The following LPA variants were observed in gnomAD, a reference collection of about 807,000 sequenced individuals.
The protein encoded by LPA is lipoprotein(a).
Under a neutral mutation model 197.9 loss-of-function variants are expected in LPA, and 199 were observed. The observed-to-expected ratio is 1.01, with a 90% CI of 0.90 to 1.13. The LOEUF is 1.13. Ranked by LOEUF, LPA falls within the 50% of genes most tolerant of loss-of-function variation. The pLI is 0.00. For synonymous variants in LPA, 715 were observed against 639.5 expected (o/e 1.12, Z -1.78); for missense variants, 1,853 against 1,785.8 (o/e 1.04, Z -0.68).
intron 2 of LPA, among the ~76,000 whole-genome samples, chr6:160,647,803 A>G (rs562979091): frequency 3.9e-5 from 6 of 152,242 alleles, no homozygotes; most frequent in Non-Finnish European, 7.3e-5. Context: ...GTAAAGTTAA[A>G]TATATTGGTA....
intron 20 of LPA, among the ~76,000 whole-genome samples, chr6:160,598,923 G>A (rs990362958): frequency 2.0e-5 from 3 of 152,170 alleles, no homozygotes; most frequent in Non-Finnish European, 4.4e-5. Context: ...ACCCTCAGCC[G>A]ATGTTGTAGA....
chr6:160,605,324 A>G (rs531120510), intron 17 of LPA, 119 bp from the exon 18 acceptor site: 115 of 1,193,284 alleles, frequency 9.6e-5, no homozygotes, highest in Non-Finnish European at 1.4e-4. Context: ...GGAGAATATG[A>G]CAAGTAACAT....
chr6:160,650,623 G>T lies in LPA; in HGVS notation c.50-126C>A, dbSNP rs985884816. On this transcript the variant is annotated intron_variant, in intron 1 of 38. Coordinates refer to ENST00000316300, the MANE Select transcript of LPA (RefSeq NM_005577.4). ...GACCATTCTCTTCTCTTGATTAGCA[G>T]GCAGACAGACGTGCAAAAAACCAAA... 17 of 893,332 alleles carry T rather than the reference G, an allele frequency of 1.9e-5. 1 individual carries two copies. The Middle Eastern group carries it at 7.2e-4, about 38-fold the overall frequency. 55.3% of individuals were successfully genotyped at this position (893,332 alleles called of 1,614,324 possible).
intron 16 of LPA, 31 bp downstream of exon 16, chr6:160,611,531 T>C (rs745864841): frequency 1.3e-5 from 21 of 1,607,160 alleles, no homozygotes; most frequent in Non-Finnish European, 1.8e-5. Flanking sequence ...GTTGGCCCTT[T>C]ATTCTCTTAT....
chr6:160,586,930 C>T lies in LPA; in HGVS notation c.3948-300G>A, dbSNP rs114210880. On this transcript the variant is annotated intron_variant, in intron 24 of 38. Transcript: ENST00000316300. ...CCCTCCTTCTACCTTCTGCCAAATA[C>T]ATTCCTTTGGATTAACCGAGAGGGA... Among the ~76,000 whole-genome samples, 346 of 152,296 alleles carry T rather than the reference C, an allele frequency of 2.3e-3. 2 individuals are homozygous for T. The highest frequency in any genetic ancestry group is 8.1e-3 in the African/African-American group (336 of 41,572).
intron 1 of LPA, among the ~76,000 whole-genome samples, chr6:160,663,802 C>T (rs899543536): frequency 6.6e-6 from 1 of 152,142 alleles, no homozygotes; most frequent in African/African-American, 2.4e-5. Flanking sequence ...GAGCATGGCA[C>T]CTGAACAGAG....
intron 1 of LPA, among the ~76,000 whole-genome samples, chr6:160,663,352 G>C (rs1263368311): frequency 1.3e-5 from 2 of 152,186 alleles, no homozygotes; most frequent in Non-Finnish European, 2.9e-5. Context: ...TTAAATCCAG[G>C]TTTCTTTATT....
intron 28 of LPA, among the ~76,000 whole-genome samples, chr6:160,571,191 T>G (rs1278116382): frequency 1.3e-5 from 2 of 152,202 alleles, no homozygotes; most frequent in African/African-American, 4.8e-5. Context: ...GTCATGAAGT[T>G]CTCGTGCTGT....
rs1778676097 is a variant in LPA at position 160,576,398 on chromosome 6, A to ATATACATATATATATATATATGTG, written c.4631+737_4631+738insCACATATATATATATATATGTATA. Among the ~76,000 whole-genome samples the ATATACATATATATATATATATGTG allele has an allele frequency of 9.1e-5, 5 of 54,988 alleles. No homozygotes were observed. The South Asian group carries it at 2.1e-3, about 23-fold the overall frequency. The allele number at this position is 54,988 out of a possible 152,430, so 36.1% of individuals were successfully genotyped here. A position where few individuals can be genotyped will look rare whatever the true frequency, so the allele number is the denominator to read the frequency against. ...TATATATATATATATATGTATATATATATATATATATATATATGGGTATAT... is the reference window on the plus strand; with the variant it reads ...TATATATATATATATATGTATATATATATACATATATATATATATATGTGTATATATATATATATATGGGTATAT... On this transcript the variant is annotated intron_variant, in intron 28 of 38. Coordinates refer to ENST00000316300, the MANE Select transcript of LPA (RefSeq NM_005577.4).
At chr6:160,573,853 G>T (rs975964527) in intron 28 of LPA, among the ~76,000 whole-genome samples, 1 of 152,126 alleles carries the variant, frequency 6.6e-6, no homozygotes, top group African/African-American at 2.4e-5. Context: ...ACTCCATAGG[G>T]GTTCCTAGCT....
At chr6:160,605,403 A>G (rs1277763635) in intron 17 of LPA, among the ~76,000 whole-genome samples, 198 bp from the exon 18 acceptor site, 3 of 152,218 alleles carry the variant, frequency 2.0e-5, no homozygotes, top group Admixed American at 6.5e-5. Flanking sequence ...CAAAAACACC[A>G]AAGAAACAAA....
In LPA at chr6:160,589,547, A is replaced by T; in HGVS notation, c.3947+6T>A. The stretch of plus-strand genomic sequence containing the variant: ...GTTTCTCTTGGGAGAAAACTCAAAG[A>T]CATACCCATTTGGGTAGTATTCTGT... On this transcript the variant is annotated splice_donor_region_variant and intron_variant, in intron 24 of 38. Coordinates refer to ENST00000316300, the MANE Select transcript of LPA (RefSeq NM_005577.4). 1 of 1,613,298 alleles carries T rather than the reference A, an allele frequency of 6.2e-7. No homozygotes were observed. Among genetic ancestry groups the T allele is most frequent in the Non-Finnish European group, 8.5e-7 (1 of 1,179,714 alleles).
chr6:160,659,767 C>G (rs1372287502), intron 1 of LPA, among the ~76,000 whole-genome samples: 1 of 152,152 alleles, frequency 6.6e-6, no homozygotes, highest in Non-Finnish European at 1.5e-5. Flanking sequence ...GGGGCAGGGA[C>G]CAGTGCAGAA....
intron 37 of LPA, among the ~76,000 whole-genome samples, chr6:160,534,295 C>G (rs546533348): frequency 7.3e-4 from 111 of 152,334 alleles, no homozygotes; most frequent in African/African-American, 2.5e-3. Context: ...GATTTGCTCT[C>G]TGAGCAAGGC....
At position 160,597,766 on chromosome 6, in the gene LPA, A is replaced by C. The variant is rs1223312567; in HGVS notation, c.3287+1734T>G. On this transcript the variant is annotated intron_variant, in intron 20 of 38. Transcript: ENST00000316300. The stretch of plus-strand genomic sequence containing the variant: ...TCATGCCATTTAAATCATTTCTATC[A>C]TTCCTGGTTCTATTTTTATTGACTG... Among the ~76,000 whole-genome samples, 3 of 152,286 alleles carry C rather than the reference A, an allele frequency of 2.0e-5. No homozygotes were observed. The East Asian group carries it at 5.8e-4, about 29-fold the overall frequency.
chr6:160,583,778 T>C (rs1157607155), intron 26 of LPA, among the ~76,000 whole-genome samples: 1 of 152,152 alleles, frequency 6.6e-6, no homozygotes, highest in African/African-American at 2.4e-5. Flanking sequence ...AAAACTCCAG[T>C]CTCTCTCCCC....
chr6:160,589,623 T>G lies in LPA; in HGVS notation c.3877A>C (p.Arg1293=), dbSNP rs1415961632. The G allele has an allele frequency of 6.2e-7, 1 of 1,613,874 alleles. No homozygotes were observed. Among genetic ancestry groups the G allele is most frequent in the Non-Finnish European group, 8.5e-7 (1 of 1,179,892 alleles). Residue 1293 remains arginine, a synonymous_variant, in exon 24 of 39, where the codon AGG becomes CGG. Transcript: ENST00000316300. ...ATAGAGGACCAAGACTGACATGTCC[T>G]TCCTGTAACAGTGGTGGAGAATGAG... ...RGSFSTTVTG[R]TCQSWSSMTP...
At chr6:160,608,724 T>G (rs1446860593) in intron 16 of LPA, among the ~76,000 whole-genome samples, 1 of 152,136 alleles carries the variant, frequency 6.6e-6, no homozygotes, top group Non-Finnish European at 1.5e-5. Context: ...CGTTCTCTTT[T>G]CTGTGACTTG....
At chr6:160,589,447 G>A in intron 24 of LPA, 106 bp downstream of exon 24, 1 of 1,317,728 alleles carries the variant, frequency 7.6e-7, no homozygotes, top group Non-Finnish European at 1.1e-6. Context: ...CCAACATTCT[G>A]GGTCTGAGAG....
Sources: allele counts gnomAD v4.1 joint callset (sites outside exome capture counted in the v4.1 genomes callset), GRCh38; gene constraint gnomAD v4.1.1; transcripts MANE v1.5; gene names NCBI Gene and HGNC (gene_info 2026-07-23, HGNC 2026-07-21).